The following GRAMD1B variants were observed in gnomAD, a reference collection of about 807,000 sequenced individuals.
The protein encoded by GRAMD1B is GRAM domain containing 1B.
In GRAMD1B, 37 loss-of-function variants were observed where a neutral mutation model predicts 99.7. The observed-to-expected ratio is 0.37, with a 90% CI of 0.29 to 0.49. GRAMD1B has a LOEUF of 0.49. Among genes scored for constraint, GRAMD1B ranks in the 20% least tolerant of loss-of-function variants. The pLI is 0.98. For missense variants in GRAMD1B, 888 were observed against 1,009.2 expected, an observed-to-expected ratio of 0.88 and a Z score of 1.63; for synonymous variants, 427 against 387.6, an observed-to-expected ratio of 1.10 and a Z score of -1.19.
intron 1 of GRAMD1B, among the ~76,000 whole-genome samples, chr11:123,374,396 G>A (rs1946626751): frequency 1.3e-5 from 2 of 152,064 alleles, no homozygotes; most frequent in African/African-American, 4.8e-5. Context: ...ACTTTTAACT[G>A]CAACCACAGT....
chr11:123,558,767 C>G (rs568234580), intron 2 of GRAMD1B, among the ~76,000 whole-genome samples: 2 of 152,192 alleles, frequency 1.3e-5, no homozygotes, highest in African/African-American at 4.8e-5. Context: ...CTCTAGGTAA[C>G]GGAGGCAGGG....
chr11:123,602,726 T>C (rs1479224242), intron 8 of GRAMD1B, among the ~76,000 whole-genome samples: 2 of 151,988 alleles, frequency 1.3e-5, no homozygotes, highest in Non-Finnish European at 2.9e-5. Flanking sequence ...ACAGTGTTTT[T>C]TTGGGAGGAC....
chr11:123,477,557 A>G (rs1414019904), intron 1 of GRAMD1B, among the ~76,000 whole-genome samples: 1 of 149,744 alleles, frequency 6.7e-6, no homozygotes, highest in African/African-American at 2.5e-5. Context: ...CAGGGTTTCC[A>G]AAAGACAGTT....
chr11:123,589,629 T>C lies in GRAMD1B; in HGVS notation c.685-4453T>C, dbSNP rs931685492. ...TGGCTAATTTTTATATATATATATA[T>C]ATATATATTTGTAGTAGAGACGGGG... On this transcript the variant is annotated intron_variant, in intron 4 of 19. Transcript: ENST00000635736. 1.9e-4 allele frequency among the ~76,000 whole-genome samples: 28 copies of C among 146,100 alleles called. 2 individuals carry two copies. Among genetic ancestry groups the C allele is most frequent in the African/African-American group, 7.2e-4 (28 of 38,686 alleles).
chr11:123,449,817 C>T (rs759458754), intron 1 of GRAMD1B, among the ~76,000 whole-genome samples: 2 of 151,228 alleles, frequency 1.3e-5, no homozygotes, highest in Non-Finnish European at 2.9e-5. Context: ...ACTTCCCAAG[C>T]TCAAGTGATC....
intron 3 of GRAMD1B, among the ~76,000 whole-genome samples, chr11:123,583,409 T>TGC (rs199645657): frequency 6.6e-6 from 1 of 151,646 alleles, no homozygotes; most frequent in Non-Finnish European, 1.5e-5. Context: ...TGTGTGTGTG[T>TGC]CTGTGTATAT....
At chr11:123,565,136 T>G (rs1947206669) in intron 2 of GRAMD1B, among the ~76,000 whole-genome samples, 1 of 151,970 alleles carries the variant, frequency 6.6e-6, no homozygotes, top group African/African-American at 2.4e-5. Context: ...TGGTCTCAGG[T>G]GATCTTCCTG....
chr11:123,387,365 A>G (rs1410421131), intron 1 of GRAMD1B, among the ~76,000 whole-genome samples: 1 of 152,142 alleles, frequency 6.6e-6, no homozygotes, highest in African/African-American at 2.4e-5. Flanking sequence ...GCTGACACAC[A>G]GGCCTACACA....
At position 123,492,322 on chromosome 11, in the gene GRAMD1B, C is replaced by T. The variant is rs114916991; in HGVS notation, c.452+11429C>T. On this transcript the variant is annotated intron_variant, in intron 2 of 19. Transcript: ENST00000635736. This position sits in a 1 kb window ranked among gnomAD's most constrained non-coding sequence, Gnocchi z 4.2. ...AGCATCCCCTGGACAGGGGCGCTGG[C>T]GTCTCTGGGGTGTGGATCATTCTCT... Among the ~76,000 whole-genome samples, 1,648 of 152,198 alleles carry T rather than the reference C, an allele frequency of 0.011. 29 individuals are homozygous for T. The highest frequency in any genetic ancestry group is 0.038 in the African/African-American group (1,573 of 41,520).
At chr11:123,537,623 C>A (rs1467037013) in intron 2 of GRAMD1B, among the ~76,000 whole-genome samples, 1 of 152,186 alleles carries the variant, frequency 6.6e-6, no homozygotes, top group African/African-American at 2.4e-5. Context: ...TTTCTGTTAA[C>A]CCCCTGATTT....
chr11:123,581,944 C>A (rs996239782), intron 3 of GRAMD1B, among the ~76,000 whole-genome samples: 2 of 152,232 alleles, frequency 1.3e-5, no homozygotes, highest in Non-Finnish European at 2.9e-5. Flanking sequence ...TCACAGGCAT[C>A]CGGGGTCCCC....
chr11:123,447,914 C>T (rs1441526048), intron 1 of GRAMD1B, among the ~76,000 whole-genome samples: 17 of 152,092 alleles, frequency 1.1e-4, no homozygotes, highest in Admixed American at 5.9e-4. Flanking sequence ...TTTTTAACCT[C>T]CCACAATAGT....
At chr11:123,419,298 A>G (rs1440493451) in intron 1 of GRAMD1B, among the ~76,000 whole-genome samples, 2 of 152,164 alleles carry the variant, frequency 1.3e-5, no homozygotes, top group Admixed American at 1.3e-4. Context: ...TCTGGGCTTT[A>G]CCACCTATAC....
chr11:123,488,274 T>C (rs1365471084), intron 2 of GRAMD1B, among the ~76,000 whole-genome samples: 1 of 151,984 alleles, frequency 6.6e-6, no homozygotes, highest in African/African-American at 2.4e-5. Context: ...CAACACTGAG[T>C]CTATAGCACC....
At chr11:123,577,880 G>A (rs17127472) in intron 3 of GRAMD1B, among the ~76,000 whole-genome samples, 7,983 of 151,846 alleles carry the variant, frequency 0.053, 315 homozygotes, top group African/African-American at 0.11. Flanking sequence ...TCCTGCTACC[G>A]TTTTCAAATT....
At chr11:123,568,435 C>T (rs1377891614) in intron 2 of GRAMD1B, among the ~76,000 whole-genome samples, 2 of 152,238 alleles carry the variant, frequency 1.3e-5, no homozygotes, top group African/African-American at 4.8e-5. Context: ...TGTCCCTGAA[C>T]ACCTTGTACA....
intron 1 of GRAMD1B, among the ~76,000 whole-genome samples, chr11:123,403,805 A>G (rs1947758704): frequency 6.6e-6 from 1 of 151,898 alleles, no homozygotes; most frequent in Non-Finnish European, 1.5e-5. Context: ...TGGCCTCCCA[A>G]AGTGCTGGGA....
chr11:123,492,589 G>A lies in GRAMD1B; in HGVS notation c.452+11696G>A, dbSNP rs190903737. Among the ~76,000 whole-genome samples, 460 of 152,250 alleles carry A rather than the reference G, an allele frequency of 3.0e-3. 2 individuals are homozygous for A. Among genetic ancestry groups the A allele is most frequent in the Non-Finnish European group, 3.4e-3 (234 of 68,026 alleles). On this transcript the variant is annotated intron_variant, in intron 2 of 19. Transcript: ENST00000635736. The surrounding 1 kb of genome is among the most constrained non-coding windows in gnomAD (Gnocchi z 4.2). ...AAGGAGATTTCCTGGAGGAGGAAGA[G>A]GTTCCAGCCCCTAAGGTTAGAATTA...
chr11:123,512,519 A>T (rs567905537), intron 2 of GRAMD1B, among the ~76,000 whole-genome samples: 1 of 152,104 alleles, frequency 6.6e-6, no homozygotes, highest in Non-Finnish European at 1.5e-5. Flanking sequence ...ATAGCATCAG[A>T]TGTTAGAGAC....
Sources: gnomAD v4.1 joint callset for allele counts (sites outside exome capture counted in the v4.1 genomes callset) on GRCh38, gnomAD v4.1.1 for gene constraint, Gnocchi (gnomAD v3.1) non-coding constraint, MANE v1.5 for transcripts, NCBI Gene and HGNC (gene_info 2026-07-23, HGNC 2026-07-21) for gene names.